The following FBLN1 variants were observed in gnomAD, a reference collection of about 807,000 sequenced individuals.
The protein encoded by FBLN1 is fibulin-1.
Under a neutral mutation model 89.7 loss-of-function variants are expected in FBLN1, and 34 were observed. The observed-to-expected ratio is 0.38, with a 90% confidence interval of 0.29 to 0.50. The LOEUF is 0.50. Among genes scored for constraint, FBLN1 ranks in the 20% least tolerant of loss-of-function variants. The pLI, the probability that FBLN1 is intolerant of heterozygous loss-of-function variation, is 0.92. For missense variants in FBLN1, 777 were observed against 988.1 expected (o/e 0.79, Z 2.86); for synonymous variants, 393 against 391.3 (o/e 1.00, Z -0.05).
At chr22:45,546,474 G>A (rs368623736) in intron 11 of FBLN1, among the ~76,000 whole-genome samples, 9 of 152,304 alleles carry the variant, frequency 5.9e-5, no homozygotes, top group South Asian at 2.1e-4. Flanking sequence ...TCGGCCTCCC[G>A]AAGTGCTGGA....
intron 1 of FBLN1, among the ~76,000 whole-genome samples, chr22:45,518,010 TAA>T (rs1479897249): frequency 6.6e-6 from 1 of 150,698 alleles, no homozygotes; most frequent in Non-Finnish European, 1.5e-5. Context: ...TGGGCACCTG[TAA>T]TCCCAGCTAC....
At chr22:45,589,688 A>G (rs1406831340) in intron 16 of FBLN1, among the ~76,000 whole-genome samples, 1 of 152,080 alleles carries the variant, frequency 6.6e-6, no homozygotes, top group African/African-American at 2.4e-5. Context: ...AGCGGCTCCC[A>G]TGGCTCCAGG....
At chr22:45,541,101 G>A in intron 8 of FBLN1, 128 bp from the exon 9 acceptor site, 1 of 1,209,052 alleles carries the variant, frequency 8.3e-7, no homozygotes, top group Non-Finnish European at 1.2e-6. Flanking sequence ...CCAGAGTGAG[G>A]GGGTTGAGCC....
intron 1 of FBLN1, among the ~76,000 whole-genome samples, chr22:45,516,980 C>T (rs558417294): frequency 5.6e-4 from 86 of 152,324 alleles, no homozygotes; most frequent in African/African-American, 1.9e-3. Flanking sequence ...GCAAGTTTCC[C>T]CTCCTCCCCT....
intron 1 of FBLN1, among the ~76,000 whole-genome samples, chr22:45,507,776 T>C (rs1242677630): frequency 2.0e-5 from 3 of 152,144 alleles, no homozygotes; most frequent in African/African-American, 7.2e-5. Context: ...GATCCACCTG[T>C]CTCGGCCTCC....
At chr22:45,547,685 C>T (rs1008548387) in intron 12 of FBLN1, among the ~76,000 whole-genome samples, 4 of 152,082 alleles carry the variant, frequency 2.6e-5, no homozygotes, top group Non-Finnish European at 5.9e-5. Context: ...CAGGCATGAG[C>T]CACCGTGCCT....
rs972727251 is a variant in FBLN1, at chr22:45,562,133, G to A, written c.1697+11518G>A. 7.2e-5 allele frequency among the ~76,000 whole-genome samples: 11 copies of A among 152,102 alleles called. No individual in the cohort carries two copies. The highest frequency in any genetic ancestry group is 2.4e-4 in the African/African-American group (10 of 41,410). On this transcript the variant is annotated intron_variant, in intron 14 of 16. Transcript: ENST00000327858. The surrounding 1 kb of genome is among the most constrained non-coding windows in gnomAD (Gnocchi z 7.8). ...ATTAACCATCACAGGACCTGTCCCC[G>A]TCTCCACTGCAGGAAGTTAGGACCC...
rs1490219561 is a variant in FBLN1 at position 45,575,943 on chromosome 22, T to C, written c.1841-1034T>C. The stretch of plus-strand genomic sequence containing the variant: ...CCCTCTGTGTCAGGCTCTAGGGACA[T>C]GGTGATAAGAAGGGGTCCTCCCACC... On this transcript the variant is annotated intron_variant, in intron 15 of 16. Coordinates refer to ENST00000327858, the MANE Select transcript of FBLN1 (RefSeq NM_006486.3). The surrounding 1 kb of genome is among the most constrained non-coding windows in gnomAD (Gnocchi z 6.3). 6.6e-6 allele frequency among the ~76,000 whole-genome samples: 1 copy of C among 152,086 alleles called. No homozygotes were observed. Among genetic ancestry groups the C allele is most frequent in the Non-Finnish European group, 1.5e-5 (1 of 67,986 alleles).
chr22:45,595,909 G>C (rs76797451), intron 16 of FBLN1, among the ~76,000 whole-genome samples: 1 of 61,678 alleles, frequency 1.6e-5, no homozygotes, highest in Non-Finnish European at 4.4e-5. Context: ...TTGCTCTGTC[G>C]CCCAGGCTAG....
In FBLN1 at chr22:45,600,468, GCAGGTGCACCTC is replaced by G. The variant is rs1463855464; in HGVS notation, c.*27_*38del. 11 of 1,613,810 alleles carry G rather than the reference GCAGGTGCACCTC, an allele frequency of 6.8e-6. No homozygotes were observed. The highest frequency in any genetic ancestry group is 1.7e-5 in the Admixed American group (1 of 60,006). On this transcript the variant is annotated 3_prime_UTR_variant, in exon 17 of 17. Coordinates refer to ENST00000327858, the MANE Select transcript of FBLN1 (RefSeq NM_006486.3). Reference sequence around the variant, plus strand: ...CTGAGGGCTGGTCTGCCGCACAGCCGCAGGTGCACCTCCAGGCCAAATCATTGCTGCCAGTGA... The same window carrying G: ...CTGAGGGCTGGTCTGCCGCACAGCCGCAGGCCAAATCATTGCTGCCAGTGA...
chr22:45,518,805 C>T lies in FBLN1; in HGVS notation c.185+18C>T. On this transcript the variant is annotated intron_variant, in intron 2 of 16. Coordinates refer to ENST00000327858, the MANE Select transcript of FBLN1 (RefSeq NM_006486.3). ...GAATGCAGGTACGTTTGCCAGTGGC[C>T]ACTGTTTCACTGGAACAATGTTCCT... The T allele has an allele frequency of 6.4e-7, 1 of 1,559,822 alleles. No homozygotes were observed. Among genetic ancestry groups the T allele is most frequent in the Non-Finnish European group, 8.8e-7 (1 of 1,139,912 alleles).
chr22:45,556,176 A>G lies in FBLN1; in HGVS notation c.1697+5561A>G, dbSNP rs1784843520. ...ATACCCAGCTAATTTTTCTATTTTA[A>G]GTAGAGATGGGGTTTCACCATGTGG... On this transcript the variant is annotated intron_variant, in intron 14 of 16. Coordinates refer to ENST00000327858, the MANE Select transcript of FBLN1 (RefSeq NM_006486.3). The surrounding 1 kb of genome is among the most constrained non-coding windows in gnomAD (Gnocchi z 4.6). Among the ~76,000 whole-genome samples, 2 of 152,120 alleles carry G rather than the reference A, an allele frequency of 1.3e-5. No individual in the cohort carries two copies. Among genetic ancestry groups the G allele is most frequent in the African/African-American group, 4.8e-5 (2 of 41,412 alleles).
intron 16 of FBLN1, among the ~76,000 whole-genome samples, chr22:45,584,408 C>A (rs974319874): frequency 5.3e-5 from 8 of 152,158 alleles, no homozygotes; most frequent in Non-Finnish European, 1.0e-4. Context: ...TACCCAATTT[C>A]AAGTTTACCG....
intron 1 of FBLN1, among the ~76,000 whole-genome samples, chr22:45,513,219 A>G (rs6007071): frequency 0.079 from 11,967 of 152,278 alleles, 550 homozygotes; most frequent in African/African-American, 0.1. Flanking sequence ...TAAGATGACC[A>G]ACAAACACTA....
At chr22:45,554,606 A>G (rs1265447902) in intron 14 of FBLN1, among the ~76,000 whole-genome samples, 8 of 152,258 alleles carry the variant, frequency 5.3e-5, no homozygotes, top group Non-Finnish European at 1.0e-4. Context: ...TGCCTCAAGC[A>G]AGTCCAAGTA....
chr22:45,533,921 G>A, intron 7 of FBLN1, 23 bp downstream of exon 7: 23 of 1,613,228 alleles, frequency 1.4e-5, no homozygotes, highest in Non-Finnish European at 1.9e-5. Context: ...CTCCGAGTCT[G>A]CAAACCTGGT....
chr22:45,564,891 T>A, intron 14 of FBLN1: 18 of 1,613,826 alleles, frequency 1.1e-5, no homozygotes, highest in Non-Finnish European at 1.5e-5. Context: ...CAGGCAGAAA[T>A]CCAAGAAGGG....
chr22:45,522,206 C>T (rs1297484218), intron 2 of FBLN1, among the ~76,000 whole-genome samples: 2 of 152,148 alleles, frequency 1.3e-5, no homozygotes, highest in South Asian at 2.1e-4. Flanking sequence ...AGGCTGGTCT[C>T]GAACTCCTGG....
At chr22:45,569,098 C>T (rs532530057) in intron 14 of FBLN1, among the ~76,000 whole-genome samples, 62 of 152,266 alleles carry the variant, frequency 4.1e-4, no homozygotes, top group Non-Finnish European at 7.9e-4. Flanking sequence ...TTTCCAGTGA[C>T]GTCACATTCT....
Sources: gnomAD v4.1 joint callset for allele counts (sites outside exome capture counted in the v4.1 genomes callset) on GRCh38, gnomAD v4.1.1 for gene constraint, Gnocchi (gnomAD v3.1) non-coding constraint, MANE v1.5 for transcripts, NCBI Gene and HGNC (gene_info 2026-07-23, HGNC 2026-07-21) for gene names.